FBXL13: variants seen among roughly 807,000 people sequenced by gnomAD.
FBXL13 encodes the protein F-box and leucine rich repeat protein 13.
FBXL13 carries 67 observed loss-of-function variants against 83.6 expected under a neutral mutation model. That is an observed-to-expected ratio of 0.80 (90% confidence interval 0.66 to 0.98). FBXL13 has a LOEUF of 0.98. Ranked by LOEUF, FBXL13 falls within the 50% of genes least tolerant of loss-of-function variation. The pLI is 0.00. For missense variants in FBXL13, 822 were observed against 866.5 expected (o/e 0.95, Z 0.64); for synonymous variants, 272 against 299.5 (o/e 0.91, Z 0.95).
chr7:103,072,221 G>C (rs978295327), intron 1 of FBXL13, among the ~76,000 whole-genome samples: 5 of 151,920 alleles, frequency 3.3e-5, no homozygotes, highest in African/African-American at 1.2e-4. Flanking sequence ...GGGAAATTGA[G>C]TCAGATAAAT....
chr7:102,963,165 CA>C, intron 8 of FBXL13, among the ~76,000 whole-genome samples: 1 of 150,626 alleles, frequency 6.6e-6, no homozygotes. Flanking sequence ...CTAAAAATAC[CA>C]AAAAATTAGC....
chr7:103,034,339 G>A (rs2222539), intron 2 of FBXL13, among the ~76,000 whole-genome samples: 94,735 of 152,106 alleles, frequency 0.62, 30,437 homozygotes, highest in Non-Finnish European at 0.7. Context: ...GCCCATGGAC[G>A]GTGTGGGGGA....
At chr7:103,026,706 G>A (rs546830752) in intron 5 of FBXL13, among the ~76,000 whole-genome samples, 33 of 152,282 alleles carry the variant, frequency 2.2e-4, no homozygotes, top group Admixed American at 2.0e-3. Context: ...TGCTGCGTGT[G>A]TGCTATTGTC....
chr7:103,025,083 G>A (rs1037345381), exon 6 of FBXL13: 3 of 1,610,420 alleles, frequency 1.9e-6, no homozygotes, highest in African/African-American at 2.7e-5. Context: ...GCTCTTTCAG[G>A]TAACAGTGAA....
At chr7:102,848,922 C>T (rs1463662594) in intron 17 of FBXL13, among the ~76,000 whole-genome samples, 2 of 152,112 alleles carry the variant, frequency 1.3e-5, no homozygotes, top group Non-Finnish European at 2.9e-5. Flanking sequence ...ATCACTTGAA[C>T]CCAGGATGCG....
At chr7:102,980,596 T>G (rs1196986279) in intron 6 of FBXL13, among the ~76,000 whole-genome samples, 1 of 152,026 alleles carries the variant, frequency 6.6e-6, no homozygotes, top group African/African-American at 2.4e-5. Context: ...GCTAACATGG[T>G]GAAACCCCAG....
intron 6 of FBXL13, chr7:102,975,947 T>TC: frequency 1.3e-6 from 1 of 765,292 alleles, no homozygotes; most frequent in Non-Finnish European, 2.4e-6. Context: ...GCAATCCACC[T>TC]CCACCTGGTG....
chr7:102,823,699 T>C (rs1562905548), intron 18 of FBXL13, among the ~76,000 whole-genome samples: 1 of 152,260 alleles, frequency 6.6e-6, no homozygotes, highest in African/African-American at 2.4e-5. Context: ...TTATTTTAAA[T>C]GTTTGAACAT....
At chr7:103,019,006 TCAA>T (rs1246257234) in intron 6 of FBXL13, among the ~76,000 whole-genome samples, 1 of 152,176 alleles carries the variant, frequency 6.6e-6, no homozygotes, top group African/African-American at 2.4e-5. Context: ...CCACCCCAAA[TCAA>T]CAGAATATAC....
intron 6 of FBXL13, among the ~76,000 whole-genome samples, chr7:102,972,011 G>A (rs1826741199): frequency 6.7e-6 from 1 of 149,398 alleles, no homozygotes; most frequent in Admixed American, 6.7e-5. Context: ...GGGAGACAGA[G>A]TGAGAGTCCA....
intron 6 of FBXL13, among the ~76,000 whole-genome samples, chr7:103,006,812 A>G (rs909982886): frequency 6.6e-6 from 1 of 152,196 alleles, no homozygotes; most frequent in African/African-American, 2.4e-5. Context: ...GAACTAGTAA[A>G]CAGATTCTTT....
intron 6 of FBXL13, among the ~76,000 whole-genome samples, chr7:102,969,758 A>G (rs1276826613): frequency 7.1e-6 from 1 of 141,076 alleles, no homozygotes; most frequent in Non-Finnish European, 1.5e-5. Flanking sequence ...AGATTGGACC[A>G]CTGCACTCCA....
intron 16 of FBXL13, chr7:102,874,321 G>T (rs1584732462): frequency 6.1e-6 from 6 of 984,914 alleles, no homozygotes; most frequent in Non-Finnish European, 7.2e-6. Context: ...CACTGTTTGA[G>T]GTTAGCTTCC....
intron 1 of FBXL13, among the ~76,000 whole-genome samples, chr7:103,070,903 A>G (rs1424512499): frequency 6.6e-6 from 1 of 152,198 alleles, no homozygotes. Context: ...CACCTCCAAC[A>G]CTGGGGATCA....
At chr7:102,940,359 G>T (rs902651614) in intron 8 of FBXL13, among the ~76,000 whole-genome samples, 3 of 151,586 alleles carry the variant, frequency 2.0e-5, no homozygotes, top group Non-Finnish European at 1.5e-5. Flanking sequence ...ACAGGCACCC[G>T]CCACCACGCC....
At chr7:102,974,053 A>C (rs1468549927) in intron 6 of FBXL13, among the ~76,000 whole-genome samples, 1 of 152,046 alleles carries the variant, frequency 6.6e-6, no homozygotes, top group African/African-American at 2.4e-5. Context: ...GAAACTCCCC[A>C]TCCTCAATTC....
chr7:102,958,733 CAA>C (rs1338043161), intron 8 of FBXL13, among the ~76,000 whole-genome samples: 1 of 151,360 alleles, frequency 6.6e-6, no homozygotes, highest in Non-Finnish European at 1.5e-5. Flanking sequence ...AATTTTTTTT[CAA>C]AAATGTATAA....
At chr7:102,958,939 C>T (rs1257100327) in intron 8 of FBXL13, among the ~76,000 whole-genome samples, 4 of 151,908 alleles carry the variant, frequency 2.6e-5, no homozygotes, top group Non-Finnish European at 4.4e-5. Flanking sequence ...ACATTATTTT[C>T]ATGAAAAATA....
At chr7:102,887,067 T>C (rs1227270001) in intron 11 of FBXL13, among the ~76,000 whole-genome samples, 1 of 152,214 alleles carries the variant, frequency 6.6e-6, no homozygotes, top group East Asian at 1.9e-4. Context: ...ATTCGTATGA[T>C]GGGGTGCAAT....
Sources: allele counts gnomAD v4.1 joint callset (sites outside exome capture counted in the v4.1 genomes callset), GRCh38; gene constraint gnomAD v4.1.1; transcripts MANE v1.5; gene names NCBI Gene and HGNC (gene_info 2026-07-23, HGNC 2026-07-21).